The following JAK2 variants were observed in gnomAD, a reference collection of about 807,000 sequenced individuals.
The protein encoded by JAK2 is tyrosine-protein kinase JAK2.
JAK2 carries 86 observed loss-of-function variants against 139.3 expected under a neutral mutation model. The ratio of observed to expected loss-of-function variants is 0.62; its 90% CI spans 0.52 to 0.74. JAK2 has a LOEUF of 0.74. Ranked by LOEUF, JAK2 falls within the 30% of genes least tolerant of loss-of-function variation. The probability of loss-of-function intolerance (pLI) is 0.00; values close to 1 mark genes in which losing one functional copy is unlikely to be tolerated. For missense variants in JAK2, 1,421 were observed against 1,360.3 expected (o/e 1.04, Z -0.70); for synonymous variants, 490 against 437.7 (o/e 1.12, Z -1.49).
At chr9:5,004,768 T>G (rs562559379) in intron 2 of JAK2, among the ~76,000 whole-genome samples, 1 of 152,164 alleles carries the variant, frequency 6.6e-6, no homozygotes, top group Non-Finnish European at 1.5e-5. Context: ...AGTTTCTTTT[T>G]CTCCACACAC....
intron 4 of JAK2, among the ~76,000 whole-genome samples, chr9:5,042,400 G>GT (rs1246766919): frequency 1.3e-5 from 2 of 151,606 alleles, no homozygotes; most frequent in African/African-American, 4.8e-5. Flanking sequence ...GCCTCCCAAA[G>GT]TGCTGGGATT....
At chr9:5,067,343 T>G (rs1230847881) in intron 10 of JAK2, among the ~76,000 whole-genome samples, 1 of 152,180 alleles carries the variant, frequency 6.6e-6, no homozygotes, top group Non-Finnish European at 1.5e-5. Flanking sequence ...ACAGATCATT[T>G]TGGATCTCAT....
intron 3 of JAK2, among the ~76,000 whole-genome samples, chr9:5,029,034 C>T (rs1233671879): frequency 6.6e-6 from 1 of 152,220 alleles, no homozygotes; most frequent in Non-Finnish European, 1.5e-5. Flanking sequence ...TGCAGGAGGC[C>T]TGGCTTTTAG....
intron 2 of JAK2, among the ~76,000 whole-genome samples, chr9:5,011,290 ATCC>A (rs1821685299): frequency 1.3e-5 from 2 of 152,112 alleles, no homozygotes; most frequent in Admixed American, 1.3e-4. Context: ...AGCGCAAGTA[ATCC>A]TCCTACCTCA....
intron 14 of JAK2, among the ~76,000 whole-genome samples, chr9:5,077,020 G>A (rs1472851685): frequency 6.6e-6 from 1 of 151,876 alleles, no homozygotes. Flanking sequence ...AATGGAGCTA[G>A]AACTCAAATT....
rs373778929 is a variant in JAK2 at position 5,129,581 on chromosome 9, C to G, written c.*2790C>G. On this transcript the variant is annotated 3_prime_UTR_variant, in exon 25 of 25. Transcript: ENST00000381652. ...AGAATAAATAGTAACAGTAAGTCAG[C>G]AGGATTATCCAAACAAAAGACTAGG... 1.3e-5 allele frequency among the ~76,000 whole-genome samples: 2 copies of G among 152,060 alleles called. No homozygotes were observed. The highest frequency in any genetic ancestry group is 2.1e-4 in the South Asian group (1 of 4,818).
chr9:5,094,394 C>T (rs1563998605), intron 22 of JAK2: 1 of 152,104 alleles, frequency 6.6e-6, no homozygotes, highest in Non-Finnish European at 1.5e-5. Flanking sequence ...TTTATTCTAG[C>T]CACATCAAGC....
intron 2 of JAK2, among the ~76,000 whole-genome samples, chr9:5,021,008 A>C (rs142001337): frequency 6.6e-6 from 1 of 152,036 alleles, no homozygotes; most frequent in African/African-American, 2.4e-5. Context: ...GCAGCTCCCT[A>C]TGTTACTCCC....
At chr9:5,076,675 G>A (rs1169381723) in intron 14 of JAK2, among the ~76,000 whole-genome samples, 1 of 152,092 alleles carries the variant, frequency 6.6e-6, no homozygotes, top group African/African-American at 2.4e-5. Context: ...TTCGAGGTAT[G>A]CCTTTATTTT....
intron 2 of JAK2, 40 bp downstream of exon 2, chr9:4,986,062 G>A (rs1819931419): frequency 6.6e-6 from 1 of 152,652 alleles, no homozygotes; most frequent in African/African-American, 2.4e-5. Context: ...AAAGGCGAAG[G>A]TGTCTGGAGC....
At chr9:5,080,772 C>G (rs893547359) in intron 18 of JAK2, 89 bp downstream of exon 18, 7 of 1,018,190 alleles carry the variant, frequency 6.9e-6, no homozygotes, top group Middle Eastern at 2.8e-4. Flanking sequence ...TCCTTTAAAA[C>G]ATTTTCTTGA....
At chr9:5,046,848 C>A (rs1276948592) in intron 5 of JAK2, among the ~76,000 whole-genome samples, 1 of 152,140 alleles carries the variant, frequency 6.6e-6, no homozygotes, top group Non-Finnish European at 1.5e-5. Flanking sequence ...TATATTATTT[C>A]ACCTGTGCTG....
At chr9:5,021,287 T>A (rs1822412272) in intron 2 of JAK2, among the ~76,000 whole-genome samples, 1 of 152,218 alleles carries the variant, frequency 6.6e-6, no homozygotes, top group Admixed American at 6.5e-5. Context: ...TTGGTTCTTC[T>A]TTGTGGAGCA....
At chr9:5,032,825 A>T (rs950819367) in intron 4 of JAK2, among the ~76,000 whole-genome samples, 2 of 152,218 alleles carry the variant, frequency 1.3e-5, no homozygotes, top group African/African-American at 4.8e-5. Context: ...TGGAAACTCT[A>T]AAAATGAGAG....
intron 2 of JAK2, among the ~76,000 whole-genome samples, chr9:5,003,034 TTAGGTAACTG>T (rs1431494836): frequency 5.9e-5 from 9 of 152,018 alleles, no homozygotes; most frequent in Non-Finnish European, 1.2e-4. Context: ...CTGTTCCAAA[TTAGGTAACTG>T]TATGTGAGTA....
chr9:5,078,453 T>C lies in JAK2; in HGVS notation c.2131+9T>C. 1 of 1,608,108 alleles carries C rather than the reference T, an allele frequency of 6.2e-7. No individual in the cohort carries two copies. Among genetic ancestry groups the C allele is most frequent in the South Asian group, 1.1e-5 (1 of 90,568 alleles). On this transcript the variant is annotated intron_variant, in intron 16 of 24. Transcript: ENST00000381652. Reference sequence around the variant, plus strand: ...AGTTTTGCCAAAGGACAGTAAGTTCTAGAAGGATTATATATAATGTTACTA... The same window carrying C: ...AGTTTTGCCAAAGGACAGTAAGTTCCAGAAGGATTATATATAATGTTACTA...
At chr9:5,034,067 CAA>C (rs569774883) in intron 4 of JAK2, among the ~76,000 whole-genome samples, 250 of 151,512 alleles carry the variant, frequency 1.7e-3, no homozygotes, top group Non-Finnish European at 2.9e-3. Flanking sequence ...AAACGGAAAA[CAA>C]AAAAAGGCAG....
intron 4 of JAK2, among the ~76,000 whole-genome samples, 172 bp from the exon 5 acceptor site, chr9:5,044,231 A>C (rs1054742955): frequency 1.3e-5 from 2 of 152,226 alleles, no homozygotes; most frequent in Non-Finnish European, 2.9e-5. Context: ...CTTTCTGCCT[A>C]TATTAGTGTT....
intron 22 of JAK2, chr9:5,110,833 G>A (rs958940264): frequency 2.6e-5 from 12 of 453,320 alleles, no homozygotes; most frequent in South Asian, 1.5e-4. Flanking sequence ...CCGTTTGTTC[G>A]GGGAAGGTGG....
Sources: allele counts gnomAD v4.1 joint callset (sites outside exome capture counted in the v4.1 genomes callset), GRCh38; gene constraint gnomAD v4.1.1; transcripts MANE v1.5; gene names NCBI Gene and HGNC (gene_info 2026-07-23, HGNC 2026-07-21).